The following FGD3 variants were observed in gnomAD, a reference collection of about 807,000 sequenced individuals.
FGD3 encodes the protein FYVE, RhoGEF and PH domain containing 3, also known as FYVE, RhoGEF and PH domain-containing protein 3.
FGD3 carries 45 observed loss-of-function variants against 71.8 expected under a neutral mutation model. That is an observed-to-expected ratio of 0.63 (90% CI 0.49 to 0.80). The LOEUF (loss-of-function observed/expected upper bound fraction) is 0.80. Ranked by LOEUF, FGD3 falls within the 30% of genes least tolerant of loss-of-function variation. The pLI is 0.00. For synonymous variants in FGD3, 378 were observed against 392.8 expected (o/e 0.96, Z 0.44); for missense variants, 844 against 951.5 (o/e 0.89, Z 1.49).
In FGD3 at chr9:92,947,646, T is replaced by C. The variant is rs1050848605; in HGVS notation, c.-301T>C. On this transcript the variant is annotated 5_prime_UTR_variant, in exon 1 of 18. Transcript: ENST00000375482. ...CTCCTCTGGAAGCGGCTCCGGCAAGTATCGAGTTTGCCTGTGCGGAGCTGG... is the reference window on the plus strand; with the variant it reads ...CTCCTCTGGAAGCGGCTCCGGCAAGCATCGAGTTTGCCTGTGCGGAGCTGG... The C allele has an allele frequency of 2.0e-5, 3 of 152,302 alleles. No individual in the cohort carries two copies. The highest frequency in any genetic ancestry group is 4.4e-5 in the Non-Finnish European group (3 of 68,078). The allele number at this position is 152,302 out of a possible 1,614,324, so 9.4% of individuals were successfully genotyped here.
At position 92,952,306 on chromosome 9, in the gene FGD3, G is replaced by A. The variant is rs915859075; in HGVS notation, c.-218+4577G>A. ...GGCTGGAGTGCAGTGGCACGATCTC[G>A]GCTCACTGCAAGCTCCGCTTCCTGG... On this transcript the variant is annotated intron_variant, in intron 1 of 17. Coordinates refer to ENST00000375482, the MANE Select transcript of FGD3 (RefSeq NM_001083536.2). 4.8e-5 allele frequency among the ~76,000 whole-genome samples: 7 copies of A among 146,810 alleles called. No homozygotes were observed. The East Asian group carries it at 1.4e-3, about 30-fold the overall frequency.
At position 92,996,151 on chromosome 9, in the gene FGD3, C is replaced by T. The variant is rs541355284; in HGVS notation, c.454-6774C>T. Reference sequence around the variant, plus strand: ...AGGCTATTAATTATTGCCTCAATTTCAGAACCTGTTATTGGTCTATTCAGG... The same window carrying T: ...AGGCTATTAATTATTGCCTCAATTTTAGAACCTGTTATTGGTCTATTCAGG... On this transcript the variant is annotated intron_variant, in intron 3 of 17. Transcript: ENST00000375482. Among the ~76,000 whole-genome samples the T allele has an allele frequency of 7.2e-5, 11 of 152,256 alleles. No individual in the cohort carries two copies. The East Asian group carries it at 2.1e-3, about 29-fold the overall frequency.
intron 3 of FGD3, among the ~76,000 whole-genome samples, chr9:92,987,789 G>C (rs1860247232): frequency 6.6e-6 from 1 of 152,192 alleles, no homozygotes; most frequent in Non-Finnish European, 1.5e-5. Context: ...GCTCACTTGA[G>C]CCATTCTTCC....
In FGD3 at chr9:92,969,687, C is replaced by T. The variant is rs1006228678; in HGVS notation, c.-217-5551C>T. Among the ~76,000 whole-genome samples the T allele has an allele frequency of 2.6e-5, 4 of 152,134 alleles. No individual in the cohort carries two copies. Among genetic ancestry groups the T allele is most frequent in the African/African-American group, 7.2e-5 (3 of 41,426 alleles). On this transcript the variant is annotated intron_variant, in intron 1 of 17. Transcript: ENST00000375482. The surrounding 1 kb of genome is among the most constrained non-coding windows in gnomAD (Gnocchi z 4.5). ...CAGATGGGGGGGGACTCCCGCACGG[C>T]CTCCCGGGAAGGGACATCTGGTGGC...
chr9:93,034,454 G>A (rs1455684642), intron 16 of FGD3, 87 bp from the exon 17 acceptor site: 4 of 1,475,148 alleles, frequency 2.7e-6, no homozygotes, highest in Middle Eastern at 1.8e-4. Flanking sequence ...CCCCCAAGCA[G>A]TGGCCCTGGC....
Position 93,032,950 on chromosome 9 carries a change from C to T in FGD3, c.1785+77C>T, listed in dbSNP as rs1418921177. 8.6e-5 allele frequency: 113 copies of T among 1,320,262 alleles called. 3 individuals carry two copies. In the Admixed American group the frequency reaches 1.9e-3, roughly 22 times the overall value. 81.8% of individuals were successfully genotyped at this position (1,320,262 alleles called of 1,614,324 possible). Reference sequence around the variant, plus strand: ...GACACCTGCTCCTGTGCCCCAGCAGCTCCAGCTGCCTCTGCTTTCGGAGTG... The same window carrying T: ...GACACCTGCTCCTGTGCCCCAGCAGTTCCAGCTGCCTCTGCTTTCGGAGTG... On this transcript the variant is annotated intron_variant, in intron 16 of 17. Transcript: ENST00000375482.
chr9:92,987,354 C>T (rs1437564270), intron 3 of FGD3, among the ~76,000 whole-genome samples: 1 of 151,254 alleles, frequency 6.6e-6, no homozygotes, highest in African/African-American at 2.4e-5. Context: ...ATGGTGTGAA[C>T]CCAGGAGGCG....
At chr9:92,993,707 C>A (rs1422955594) in intron 3 of FGD3, among the ~76,000 whole-genome samples, 1 of 152,156 alleles carries the variant, frequency 6.6e-6, no homozygotes. Flanking sequence ...TGAGTGAGAA[C>A]ATGCGGTGTT....
At chr9:92,991,858 A>C (rs184889856) in intron 3 of FGD3, among the ~76,000 whole-genome samples, 1 of 152,228 alleles carries the variant, frequency 6.6e-6, no homozygotes, top group East Asian at 1.9e-4. Flanking sequence ...TATATTTGCA[A>C]TTATATTCTC....
intron 1 of FGD3, among the ~76,000 whole-genome samples, chr9:92,956,093 C>T (rs1429625278): frequency 6.6e-6 from 1 of 152,206 alleles, no homozygotes; most frequent in African/African-American, 2.4e-5. Context: ...CCTGACCTTG[C>T]TAAATTCACA....
intron 1 of FGD3, among the ~76,000 whole-genome samples, chr9:92,956,838 C>CTTTTTTTT (rs71364336): frequency 7.2e-6 from 1 of 138,726 alleles, no homozygotes; most frequent in Non-Finnish European, 1.5e-5. Context: ...TGCTTTCTTT[C>CTTTTTTTT]TTTTTTTTTT....
At chr9:92,948,943 C>T (rs563783543) in intron 1 of FGD3, among the ~76,000 whole-genome samples, 1 of 152,348 alleles carries the variant, frequency 6.6e-6, no homozygotes, top group Admixed American at 6.5e-5. Context: ...TATCCCTCCT[C>T]ATCCTCAAAC....
At chr9:93,017,454 C>A (rs1488059904) in intron 10 of FGD3, among the ~76,000 whole-genome samples, 2 of 151,970 alleles carry the variant, frequency 1.3e-5, no homozygotes, top group South Asian at 2.1e-4. Flanking sequence ...TAATTCAAAG[C>A]CCTCCCGACA....
At chr9:92,970,101 C>T (rs926165564) in intron 1 of FGD3, among the ~76,000 whole-genome samples, 1 of 152,122 alleles carries the variant, frequency 6.6e-6, no homozygotes, top group Non-Finnish European at 1.5e-5. Flanking sequence ...TCCTCAATGC[C>T]CCTGTGGAAA....
intron 9 of FGD3, among the ~76,000 whole-genome samples, chr9:93,015,156 A>C (rs867345829): frequency 4.6e-5 from 7 of 152,170 alleles, no homozygotes; most frequent in African/African-American, 1.7e-4. Flanking sequence ...TCAGTAGCTC[A>C]TTCAAAAGAT....
At chr9:93,024,843 T>A (rs2118810343) in intron 14 of FGD3, among the ~76,000 whole-genome samples, 1 of 152,344 alleles carries the variant, frequency 6.6e-6, no homozygotes, top group East Asian at 1.9e-4. Flanking sequence ...TGGAAGAACC[T>A]GCAAGGCCAT....
chr9:93,017,655 T>G (rs1861752725), intron 10 of FGD3, among the ~76,000 whole-genome samples: 1 of 152,156 alleles, frequency 6.6e-6, no homozygotes, highest in African/African-American at 2.4e-5. Flanking sequence ...CCTATTTACA[T>G]GTCTAATCTC....
intron 5 of FGD3, among the ~76,000 whole-genome samples, chr9:93,004,448 G>T (rs997140195): frequency 6.6e-6 from 1 of 152,228 alleles, no homozygotes; most frequent in Non-Finnish European, 1.5e-5. Context: ...AGTGGATAGT[G>T]CTAGTTGGTT....
In FGD3 at chr9:93,003,910, C is replaced by A; in HGVS notation, c.544-91C>A. ...ACACAAGGTGGCAGCAGCGGCCCCTCCCGAGCGCCCTCACCTGTGGCCGAA... is the reference window on the plus strand; with the variant it reads ...ACACAAGGTGGCAGCAGCGGCCCCTACCGAGCGCCCTCACCTGTGGCCGAA... On this transcript the variant is annotated intron_variant, in intron 4 of 17. Coordinates refer to ENST00000375482, the MANE Select transcript of FGD3 (RefSeq NM_001083536.2). The surrounding 1 kb of genome is among the most constrained non-coding windows in gnomAD (Gnocchi z 4.1). 6.6e-7 allele frequency: 1 copy of A among 1,515,404 alleles called. No homozygotes were observed. The highest frequency in any genetic ancestry group is 9.0e-7 in the Non-Finnish European group (1 of 1,112,156). The allele number at this position is 1,515,404 out of a possible 1,614,324, so 93.9% of individuals were successfully genotyped here. A position where few individuals can be genotyped will look rare whatever the true frequency, so the allele number is the denominator to read the frequency against.
Sources: allele counts gnomAD v4.1 joint callset (sites outside exome capture counted in the v4.1 genomes callset), GRCh38; gene constraint gnomAD v4.1.1; non-coding constraint Gnocchi (gnomAD v3.1); transcripts MANE v1.5; gene names NCBI Gene and HGNC (gene_info 2026-07-23, HGNC 2026-07-21).